Variants in CTCFL observed in about 807,000 individuals in gnomAD.
CTCFL encodes the protein CCCTC-binding factor like.
CTCFL carries 36 observed loss-of-function variants against 67.4 expected under a neutral mutation model. The ratio of observed to expected loss-of-function variants is 0.53; its 90% confidence interval spans 0.41 to 0.71. CTCFL has a LOEUF of 0.71. CTCFL is among the 30% of genes least tolerant of loss of function. The pLI is 0.00. For synonymous variants in CTCFL, 324 were observed against 302.3 expected (o/e 1.07, Z -0.75); for missense variants, 786 against 835.2 (o/e 0.94, Z 0.73).
In CTCFL at chr20:57,518,911, A is replaced by G; in HGVS notation, c.926-20T>C. The G allele has an allele frequency of 6.3e-7, 1 of 1,596,656 alleles. No homozygotes were observed. The highest frequency in any genetic ancestry group is 1.7e-5 in the Admixed American group (1 of 57,708). ...TGGTTCCTGTAAAATCACATAGTTC[A>G]TACTTTCAAAACAAGACTTAACCAG... On this transcript the variant is annotated intron_variant, in intron 4 of 10. Coordinates refer to ENST00000243914, the MANE Select transcript of CTCFL (RefSeq NM_001386993.1).
intron 8 of CTCFL, among the ~76,000 whole-genome samples, chr20:57,511,596 C>T (rs113882401): frequency 0.036 from 4,824 of 135,114 alleles, 108 homozygotes; most frequent in Non-Finnish European, 0.052. Flanking sequence ...AATCCCCCCC[C>T]TTTTTTTTTT....
At chr20:57,522,762 C>T (rs1359300900) in intron 3 of CTCFL, among the ~76,000 whole-genome samples, 1 of 152,184 alleles carries the variant, frequency 6.6e-6, no homozygotes, top group African/African-American at 2.4e-5. Flanking sequence ...CCTGTAATGA[C>T]TTGTCCCCCA....
At chr20:57,498,955 A>C (rs1468714921) in intron 10 of CTCFL, among the ~76,000 whole-genome samples, 2 of 151,534 alleles carry the variant, frequency 1.3e-5, no homozygotes, top group East Asian at 2.0e-4. Context: ...TGTTCTGGGC[A>C]CTGTAGGATG....
intron 9 of CTCFL, among the ~76,000 whole-genome samples, chr20:57,505,624 T>C (rs2068165575): frequency 6.6e-6 from 1 of 152,240 alleles, no homozygotes; most frequent in Non-Finnish European, 1.5e-5. Flanking sequence ...AAAAATTCAA[T>C]ACATCAGTCA....
Position 57,520,402 on chromosome 20 carries a change from G to A in CTCFL, c.755-1025C>T, listed in dbSNP as rs1333177021. ...GAATCATCAAATACAGAATATAGCT[G>A]AGTTGTTATTCTCAAAATCCATCCC... On this transcript the variant is annotated intron_variant, in intron 3 of 10. Coordinates refer to ENST00000243914, the MANE Select transcript of CTCFL (RefSeq NM_001386993.1). Among the ~76,000 whole-genome samples the A allele has an allele frequency of 2.0e-5, 3 of 152,110 alleles. No individual in the cohort carries two copies. The East Asian group carries it at 5.8e-4, about 29-fold the overall frequency.
At position 57,497,604 on chromosome 20, in the gene CTCFL, T is replaced by C. The variant is rs117390757; in HGVS notation, c.*946A>G. 11,020 of 985,322 alleles carry C rather than the reference T, an allele frequency of 0.011. 55 individuals carry two copies. The highest frequency in any genetic ancestry group is 0.017 in the East Asian group (153 of 8,820). The allele number at this position is 985,322 out of a possible 1,614,324, so 61.0% of individuals were successfully genotyped here. ...CTCACGCTGCTCGAGGGTGGAAAAA[T>C]CTTGTCAACTGGCAAAAGGGAAATA... is the stretch of plus-strand genomic sequence containing the variant. On this transcript the variant is annotated 3_prime_UTR_variant, in exon 11 of 11. Coordinates refer to ENST00000243914, the MANE Select transcript of CTCFL (RefSeq NM_001386993.1).
chr20:57,499,157 G>C (rs1002631252), intron 10 of CTCFL, among the ~76,000 whole-genome samples: 7 of 149,496 alleles, frequency 4.7e-5, no homozygotes, highest in African/African-American at 1.7e-4. Context: ...GATTTATATC[G>C]AGGCGGATCT....
At position 57,523,658 on chromosome 20, in the gene CTCFL, T is replaced by A. The variant is rs1447910826; in HGVS notation, c.543+5A>T. The A allele has an allele frequency of 1.2e-6, 2 of 1,609,980 alleles. No individual in the cohort carries two copies. The highest frequency in any genetic ancestry group is 3.3e-5 in the Admixed American group (2 of 59,766). ...TAAGGGGTTGTTTATTAAAACCAGC[T>A]GTACCTTGATCAGTCCAGTAGTTTC... On this transcript the variant is annotated splice_donor_5th_base_variant and intron_variant, in intron 2 of 10. Transcript: ENST00000243914.
chr20:57,510,861 T>C, intron 8 of CTCFL, among the ~76,000 whole-genome samples: 1 of 151,844 alleles, frequency 6.6e-6, no homozygotes, highest in East Asian at 1.9e-4. Context: ...GTCTAAAAAA[T>C]AAAAAAATAA....
chr20:57,518,845 G>A lies in CTCFL; in HGVS notation c.972C>T (p.Thr324=). The A allele has an allele frequency of 6.2e-7, 1 of 1,614,096 alleles. No individual in the cohort carries two copies. Residue 324 remains threonine (T), a synonymous_variant, in exon 5 of 11, where the codon ACC becomes ACT. Coordinates refer to ENST00000243914, the MANE Select transcript of CTCFL (RefSeq NM_001386993.1). The part of the protein sequence containing the change: ...KCNDCNMAFV[T]SGELVRHRRY... ...GCCTGTGTCGGACGAGTTCTCCACT[G>A]GTGACAAATGCCATGTTGCAGTCGT...
At chr20:57,507,194 CTTT>C (rs113180346) in intron 9 of CTCFL, 168 of 212,666 alleles carry the variant, frequency 7.9e-4, no homozygotes, top group Middle Eastern at 2.3e-3. Flanking sequence ...GAATGTGCCA[CTTT>C]TTTTTTTTTT....
chr20:57,523,245 C>T lies in CTCFL; in HGVS notation c.577G>A (p.Ala193Thr). 3 of 1,613,956 alleles carry T rather than the reference C, an allele frequency of 1.9e-6. No individual in the cohort carries two copies. Among genetic ancestry groups the T allele is most frequent in the Non-Finnish European group, 2.5e-6 (3 of 1,179,980 alleles). The change falls in exon 3 of 11, where the codon GCT becomes ACT. Residue 193 changes from alanine to threonine, a missense_variant. Transcript: ENST00000243914. ...EEEQEKNQLL[A>T]ERTKEQLFFV... ...AAGAGCTGCTCCTTTGTTCTTTCAG[C>T]CAATAACTGGTTCTTCTCCTGCTCT...
In CTCFL at chr20:57,519,294, T is replaced by A. The variant is rs759250616; in HGVS notation, c.838A>T (p.Thr280Ser). The A allele has an allele frequency of 6.2e-7, 1 of 1,613,954 alleles. No individual in the cohort carries two copies. Among genetic ancestry groups the A allele is most frequent in the South Asian group, 1.1e-5 (1 of 91,080 alleles). ...TGACACAGGTGAGGCTTCTCACTGG[T>A]GTGAGTTTTCATATGACGATTAAAA... ...SSFNRHMKTHTSEKPHLCHLC... is the reference protein window; with the variant it reads ...SSFNRHMKTHSSEKPHLCHLC... Residue 280 changes from threonine to serine, a missense_variant, in exon 4 of 11, where the codon ACC becomes TCC. Thr to Ser is a moderately conservative substitution (Grantham distance 58, BLOSUM62 1). Around this residue, in one of 3 missense-constraint regions of CTCFL, gnomAD observed 254 missense variants for 333.9 expected, o/e 0.76. Transcript: ENST00000243914.
chr20:57,507,566 C>G (rs572927009), intron 9 of CTCFL: 1 of 702,816 alleles, frequency 1.4e-6, no homozygotes, highest in East Asian at 2.7e-5. Flanking sequence ...CTCACTTGCT[C>G]TGAGTCAGGA....
intron 10 of CTCFL, among the ~76,000 whole-genome samples, chr20:57,501,679 G>A (rs1394139818): frequency 5.9e-5 from 9 of 152,188 alleles, no homozygotes; most frequent in African/African-American, 2.2e-4. Context: ...CCCAGGAGCT[G>A]GCGGAGGATG....
chr20:57,524,813 T>A, intron 1 of CTCFL: 1 of 952,922 alleles, frequency 1.0e-6, no homozygotes, highest in Non-Finnish European at 1.2e-6. Flanking sequence ...CAAGCAGCCC[T>A]CGGCCAGACC....
intron 2 of CTCFL, 134 bp downstream of exon 2, chr20:57,523,529 A>G: frequency 1.6e-6 from 2 of 1,289,454 alleles, no homozygotes; most frequent in Non-Finnish European, 2.1e-6. Flanking sequence ...AACTCTCAAG[A>G]TTTTCCTGGG....
chr20:57,499,782 G>T, intron 10 of CTCFL: 1 of 172,340 alleles, frequency 5.8e-6, no homozygotes, highest in Non-Finnish European at 1.2e-5. Context: ...TTCACAACAG[G>T]GTTCACACTC....
intron 3 of CTCFL, among the ~76,000 whole-genome samples, chr20:57,522,586 G>A (rs1012588742): frequency 3.3e-5 from 5 of 152,122 alleles, no homozygotes; most frequent in South Asian, 4.2e-4. Flanking sequence ...AGAGCTACAC[G>A]CCCAGACCAC....
Sources: allele counts gnomAD v4.1 joint callset (sites outside exome capture counted in the v4.1 genomes callset), GRCh38; gene constraint gnomAD v4.1.1; regional missense constraint gnomAD v4.1.1; transcripts MANE v1.5; gene names NCBI Gene and HGNC (gene_info 2026-07-23, HGNC 2026-07-21).